Variants in BNC2 observed in about 807,000 individuals in gnomAD.
BNC2 encodes the protein zinc finger protein basonuclin-2.
BNC2 carries 20 observed loss-of-function variants against 76.3 expected under a neutral mutation model. That is an observed-to-expected ratio of 0.26 (90% CI 0.18 to 0.38). The LOEUF (loss-of-function observed/expected upper bound fraction) is 0.38. BNC2 is among the 10% of genes least tolerant of loss of function. BNC2 has a pLI of 1.00. For missense variants in BNC2, 1,382 were observed against 1,399.8 expected (o/e 0.99, Z 0.20); for synonymous variants, 582 against 514.8 (o/e 1.13, Z -1.77).
At chr9:16,658,072 G>T (rs1023474974) in intron 3 of BNC2, among the ~76,000 whole-genome samples, 91 of 152,216 alleles carry the variant, frequency 6.0e-4, no homozygotes, top group African/African-American at 2.1e-3. Flanking sequence ...ATAGCACTCA[G>T]AGGTAGAAGG....
chr9:16,494,457 T>C (rs1306861471), intron 5 of BNC2, among the ~76,000 whole-genome samples: 2 of 151,224 alleles, frequency 1.3e-5, no homozygotes, highest in Non-Finnish European at 2.9e-5. Context: ...AGCCAGAAAA[T>C]AATTTTTAAG....
intron 5 of BNC2, among the ~76,000 whole-genome samples, chr9:16,472,382 A>G (rs369167994): frequency 9.2e-5 from 14 of 152,356 alleles, no homozygotes; most frequent in African/African-American, 3.4e-4. Flanking sequence ...TTTGTCAGTG[A>G]GAATGATGGA....
intron 3 of BNC2, among the ~76,000 whole-genome samples, chr9:16,713,549 T>C (rs1396992110): frequency 6.6e-6 from 1 of 150,534 alleles, no homozygotes; most frequent in East Asian, 2.0e-4. Flanking sequence ...TTGAAGCTCA[T>C]AATAAACTTG....
chr9:16,695,873 G>A (rs1027616462), intron 3 of BNC2, among the ~76,000 whole-genome samples: 4 of 130,144 alleles, frequency 3.1e-5, no homozygotes, highest in Non-Finnish European at 7.2e-5. Context: ...AAGCAAATAG[G>A]TTCACTGGTC....
intron 3 of BNC2, among the ~76,000 whole-genome samples, chr9:16,617,858 G>A (rs1235201412): frequency 6.6e-6 from 1 of 152,188 alleles, no homozygotes; most frequent in Non-Finnish European, 1.5e-5. Context: ...TGGGTGCCCA[G>A]ACACTTCAGA....
At chr9:16,608,881 T>A (rs1345081251) in intron 3 of BNC2, among the ~76,000 whole-genome samples, 1 of 152,200 alleles carries the variant, frequency 6.6e-6, no homozygotes, top group Non-Finnish European at 1.5e-5. Flanking sequence ...TAAGTTTCAA[T>A]ATGCTCAACA....
intron 1 of BNC2, among the ~76,000 whole-genome samples, chr9:16,815,534 GAT>G (rs1818162118): frequency 6.6e-6 from 1 of 152,204 alleles, no homozygotes; most frequent in Admixed American, 6.5e-5. Flanking sequence ...TAAGATCTGG[GAT>G]CTAAAGATAA....
At chr9:16,667,062 A>T (rs906333560) in intron 3 of BNC2, among the ~76,000 whole-genome samples, 3 of 151,358 alleles carry the variant, frequency 2.0e-5, no homozygotes, top group Non-Finnish European at 4.4e-5. Context: ...AGAAAAGCAC[A>T]CATCACTCAG....
chr9:16,632,448 A>G (rs1331617072), intron 3 of BNC2, among the ~76,000 whole-genome samples: 1 of 152,088 alleles, frequency 6.6e-6, no homozygotes, highest in Admixed American at 6.6e-5. Flanking sequence ...AAATCTGTGT[A>G]TGTAAAAGCA....
At chr9:16,723,997 T>C (rs1677802453) in intron 3 of BNC2, among the ~76,000 whole-genome samples, 1 of 152,234 alleles carries the variant, frequency 6.6e-6, no homozygotes, top group Non-Finnish European at 1.5e-5. Flanking sequence ...TTTTGTTACA[T>C]CATCGGGTGA....
intron 1 of BNC2, among the ~76,000 whole-genome samples, chr9:16,751,034 C>A (rs1018325681): frequency 7.2e-5 from 11 of 152,234 alleles, no homozygotes; most frequent in Admixed American, 2.6e-4. Flanking sequence ...ATTCACCAAC[C>A]ATCAGTCTAA....
At chr9:16,597,234 T>C (rs1383559598) in intron 3 of BNC2, among the ~76,000 whole-genome samples, 1 of 152,186 alleles carries the variant, frequency 6.6e-6, no homozygotes, top group African/African-American at 2.4e-5. Flanking sequence ...ACTGCTTATT[T>C]TTAAAAAGAG....
chr9:16,516,035 T>A (rs1416241409), intron 5 of BNC2, among the ~76,000 whole-genome samples: 1 of 151,986 alleles, frequency 6.6e-6, no homozygotes, highest in Non-Finnish European at 1.5e-5. Context: ...TAAGAGACTG[T>A]AGCTGATTCA....
chr9:16,836,148 G>A (rs1042213467), intron 1 of BNC2, among the ~76,000 whole-genome samples: 6 of 152,178 alleles, frequency 3.9e-5, no homozygotes, highest in Non-Finnish European at 7.3e-5. Flanking sequence ...AGACGGTCCT[G>A]CTAATGGTTC....
chr9:16,484,707 A>G (rs1362418945), intron 5 of BNC2, among the ~76,000 whole-genome samples: 2 of 152,202 alleles, frequency 1.3e-5, no homozygotes, highest in African/African-American at 2.4e-5. Flanking sequence ...TTATGTATAT[A>G]CCCGATCAAG....
intron 6 of BNC2, among the ~76,000 whole-genome samples, chr9:16,422,276 C>T (rs1167725730): frequency 1.3e-5 from 2 of 152,272 alleles, no homozygotes; most frequent in Admixed American, 6.5e-5. Context: ...GCACTCTGTT[C>T]AACAGTGTCC....
At chr9:16,781,081 G>A (rs1415227946) in intron 1 of BNC2, among the ~76,000 whole-genome samples, 1 of 151,510 alleles carries the variant, frequency 6.6e-6, no homozygotes, top group East Asian at 1.9e-4. Context: ...TTTAGAGTGG[G>A]CACTCTAAAA....
At chr9:16,496,521 G>T (rs940429881) in intron 5 of BNC2, among the ~76,000 whole-genome samples, 1 of 152,174 alleles carries the variant, frequency 6.6e-6, no homozygotes, top group Non-Finnish European at 1.5e-5. Flanking sequence ...ATACAACTGT[G>T]AGGCACTTTA....
rs1491375018 is a variant in BNC2, at chr9:16,726,559, T to TTAA, written c.330+1237_330+1238insTTA. On this transcript the variant is annotated intron_variant, in intron 3 of 6. Transcript: ENST00000380672. Reference sequence around the variant, plus strand: ...TGAACTCTTACAAACAAAAGCTTTTTAAAAAAAAAAAAAAAAAAAGCAGTT... The same window carrying TTAA: ...TGAACTCTTACAAACAAAAGCTTTTTTAAAAAAAAAAAAAAAAAAAAAGCAGTT... Among the ~76,000 whole-genome samples, 240 of 102,420 alleles carry TTAA rather than the reference T, an allele frequency of 2.3e-3. 1 individual carries two copies. The highest frequency in any genetic ancestry group is 0.01 in the Admixed American group (119 of 11,780). 67.2% of individuals were successfully genotyped at this position (102,420 alleles called of 152,430 possible).
Sources: gnomAD v4.1 joint callset for allele counts (sites outside exome capture counted in the v4.1 genomes callset) on GRCh38, gnomAD v4.1.1 for gene constraint, MANE v1.5 for transcripts, NCBI Gene and HGNC (gene_info 2026-07-23, HGNC 2026-07-21) for gene names.